The following CCDC6 variants were observed in gnomAD, a reference collection of about 807,000 sequenced individuals.
The protein encoded by CCDC6 is coiled-coil domain-containing protein 6.
A neutral mutation model predicts 56.6 loss-of-function variants in CCDC6; 20 were observed. That is an observed-to-expected ratio of 0.35 (90% confidence interval 0.25 to 0.51). The LOEUF (loss-of-function observed/expected upper bound fraction) is 0.51, where lower values mean the gene tolerates loss of function less well. CCDC6 is among the 20% of genes least tolerant of loss of function. The pLI is 0.95. For synonymous variants in CCDC6, 241 were observed against 234.4 expected, an observed-to-expected ratio of 1.03 and a Z score of -0.26; for missense variants, 367 against 601.1, an observed-to-expected ratio of 0.61 and a Z score of 4.07.
chr10:59,824,602 A>C (rs777739754), intron 3 of CCDC6, among the ~76,000 whole-genome samples: 69 of 152,200 alleles, frequency 4.5e-4, no homozygotes, highest in Non-Finnish European at 1.3e-4. Context: ...ATGTGCAGAC[A>C]TAAGTTATGA....
rs192894894 is a variant in CCDC6 at position 59,889,085 on chromosome 10, C to A, written c.303+17037G>T. Among the ~76,000 whole-genome samples the A allele has an allele frequency of 8.5e-5, 13 of 152,288 alleles. 1 individual carries two copies. The East Asian group carries it at 2.5e-3, about 29-fold the overall frequency. Reference sequence around the variant, plus strand: ...CTTCACCCATCAAAACTAACTGGCACTGCCCATGAATTCCTTTTTAGGGCT... The same window carrying A: ...CTTCACCCATCAAAACTAACTGGCAATGCCCATGAATTCCTTTTTAGGGCT... On this transcript the variant is annotated intron_variant, in intron 1 of 8. Transcript: ENST00000263102.
At chr10:59,857,529 T>C (rs746244052) in intron 1 of CCDC6, among the ~76,000 whole-genome samples, 6 of 152,136 alleles carry the variant, frequency 3.9e-5, no homozygotes, top group Non-Finnish European at 8.8e-5. Context: ...CAAAATCACG[T>C]AGGGTGGTGC....
intron 1 of CCDC6, among the ~76,000 whole-genome samples, chr10:59,885,542 T>C (rs1490781563): frequency 6.6e-6 from 1 of 152,144 alleles, no homozygotes; most frequent in Non-Finnish European, 1.5e-5. Flanking sequence ...AATTCAAGAT[T>C]CAGGACTGAG....
At chr10:59,857,543 T>A (rs1413657903) in intron 1 of CCDC6, among the ~76,000 whole-genome samples, 34 of 152,146 alleles carry the variant, frequency 2.2e-4, no homozygotes, top group Admixed American at 2.2e-3. Context: ...GTGGTGCAAT[T>A]CATAATCTAT....
chr10:59,818,495 C>CG (rs10605676), intron 3 of CCDC6, among the ~76,000 whole-genome samples: 5,613 of 82,760 alleles, frequency 0.068, 359 homozygotes, highest in African/African-American at 0.13. Flanking sequence ...ATAATGTTGA[C>CG]GGGGGGGGGG....
At chr10:59,883,631 A>G (rs118059423) in intron 1 of CCDC6, among the ~76,000 whole-genome samples, 1,949 of 152,344 alleles carry the variant, frequency 0.013, 23 homozygotes, top group Non-Finnish European at 0.02. Flanking sequence ...TATAAATCCT[A>G]TCCAACTGGA....
At chr10:59,875,231 G>A (rs1169003312) in intron 1 of CCDC6, among the ~76,000 whole-genome samples, 2 of 152,180 alleles carry the variant, frequency 1.3e-5, no homozygotes, top group African/African-American at 4.8e-5. Flanking sequence ...GTGGTTGTGA[G>A]GGATGGCACT....
chr10:59,791,963 C>G lies in CCDC6; in HGVS notation c.*954G>C, dbSNP rs1352239418. The G allele has an allele frequency of 4.5e-6, 1 of 221,130 alleles. No individual in the cohort carries two copies. Among genetic ancestry groups the G allele is most frequent in the African/African-American group, 2.2e-5 (1 of 44,632 alleles). The allele number at this position is 221,130 out of a possible 1,614,324, so 13.7% of individuals were successfully genotyped here. A position where few individuals can be genotyped will look rare whatever the true frequency, so the allele number is the denominator to read the frequency against. On this transcript the variant is annotated 3_prime_UTR_variant, in exon 9 of 9. Transcript: ENST00000263102. ...TTATGCCAAGATAATGCGATAATGT[C>G]CATTTCAAATAGTATTTTCTAATGG...
At chr10:59,848,483 A>G (rs976991199) in intron 2 of CCDC6, among the ~76,000 whole-genome samples, 13 of 152,156 alleles carry the variant, frequency 8.5e-5, no homozygotes, top group African/African-American at 1.2e-4. Flanking sequence ...GTTCAAGACC[A>G]GCCTGGCCAA....
At chr10:59,817,536 A>G (rs1049422847) in intron 3 of CCDC6, among the ~76,000 whole-genome samples, 1 of 152,120 alleles carries the variant, frequency 6.6e-6, no homozygotes, top group African/African-American at 2.4e-5. Context: ...AAGGATCCCA[A>G]TTCCAGTGTT....
At chr10:59,864,563 T>G (rs983729611) in intron 1 of CCDC6, among the ~76,000 whole-genome samples, 1 of 152,188 alleles carries the variant, frequency 6.6e-6, no homozygotes, top group Admixed American at 6.5e-5. Context: ...GCCAGAGTAT[T>G]TTCTGCCAGA....
intron 1 of CCDC6, among the ~76,000 whole-genome samples, chr10:59,905,566 C>T (rs1304773217): frequency 6.6e-6 from 1 of 152,176 alleles, no homozygotes; most frequent in Non-Finnish European, 1.5e-5. Context: ...CCTCTCGATC[C>T]CGGCCAGAAA....
chr10:59,822,813 G>A (rs1419837575), intron 3 of CCDC6, among the ~76,000 whole-genome samples: 1 of 151,982 alleles, frequency 6.6e-6, no homozygotes, highest in Non-Finnish European at 1.5e-5. Context: ...ACAGTCCAAA[G>A]TGAGAACTCA....
chr10:59,808,616 T>C (rs1021452584), intron 5 of CCDC6, among the ~76,000 whole-genome samples: 1 of 152,248 alleles, frequency 6.6e-6, no homozygotes, highest in African/African-American at 2.4e-5. Context: ...TCAGTGGCCA[T>C]GAGCACGTCT....
At chr10:59,871,879 T>G (rs1445086253) in intron 1 of CCDC6, among the ~76,000 whole-genome samples, 2 of 152,090 alleles carry the variant, frequency 1.3e-5, no homozygotes, top group Non-Finnish European at 2.9e-5. Context: ...GCACTCTGAT[T>G]AAATATAAGG....
intron 1 of CCDC6, among the ~76,000 whole-genome samples, chr10:59,897,826 G>T (rs950461679): frequency 6.6e-6 from 1 of 151,956 alleles, no homozygotes; most frequent in Non-Finnish European, 1.5e-5. Context: ...TTTTACTCTC[G>T]TCCTTCCTCC....
intron 3 of CCDC6, among the ~76,000 whole-genome samples, chr10:59,815,952 G>A (rs1360164489): frequency 2.0e-5 from 3 of 152,194 alleles, no homozygotes; most frequent in African/African-American, 7.2e-5. Context: ...CCAAAGTGCG[G>A]TTTTACTTTT....
Position 59,866,346 on chromosome 10 carries a change from C to G in CCDC6, c.304-13644G>C, listed in dbSNP as rs774931129. On this transcript the variant is annotated intron_variant, in intron 1 of 8. Coordinates refer to ENST00000263102, the MANE Select transcript of CCDC6 (RefSeq NM_005436.5). ...GGATTAAGCTGCACAGAGGAAAAAG[C>G]TAAGCATTTTTATCTACTACAGTAA... is the stretch of plus-strand genomic sequence containing the variant. 2.6e-5 allele frequency among the ~76,000 whole-genome samples: 4 copies of G among 152,244 alleles called. No homozygotes were observed. The East Asian group carries it at 7.7e-4, about 29-fold the overall frequency.
intron 4 of CCDC6, among the ~76,000 whole-genome samples, chr10:59,814,228 TTAAAATCTCAGGCTTCC>T (rs2070694553): frequency 6.6e-6 from 1 of 152,164 alleles, no homozygotes. Flanking sequence ...AATTTTATTA[TTAAAATCTCAGGCTTCC>T]TAAAGAAGTA....
Sources: gnomAD v4.1 joint callset for allele counts (sites outside exome capture counted in the v4.1 genomes callset) on GRCh38, gnomAD v4.1.1 for gene constraint, MANE v1.5 for transcripts, NCBI Gene and HGNC (gene_info 2026-07-23, HGNC 2026-07-21) for gene names.